ZER1: variants seen among roughly 807,000 people sequenced by gnomAD.
ZER1 encodes protein zer-1 homolog.
In ZER1, 11 loss-of-function variants were observed where a neutral mutation model predicts 78.8. The ratio of observed to expected loss-of-function variants is 0.14; its 90% confidence interval spans 0.09 to 0.23. The LOEUF is 0.23. Among genes scored for constraint, ZER1 ranks in the 10% least tolerant of loss-of-function variants. The pLI is 1.00. For synonymous variants in ZER1, 400 were observed against 407.0 expected, an observed-to-expected ratio of 0.98 and a Z score of 0.21; for missense variants, 588 against 996.9, an observed-to-expected ratio of 0.59 and a Z score of 5.52.
intron 14 of ZER1, among the ~76,000 whole-genome samples, chr9:128,734,144 A>AAAAAAAAAATAAATATATATATAT: frequency 6.9e-5 from 1 of 14,456 alleles, no homozygotes; most frequent in Non-Finnish European, 1.4e-4. Flanking sequence ...AAAAAAAAAA[A>AAAAAAAAAATAAATATATATATAT]ATATATATAT....
At chr9:128,761,895 C>T (rs867020186) in intron 1 of ZER1, among the ~76,000 whole-genome samples, 11 of 152,258 alleles carry the variant, frequency 7.2e-5, no homozygotes, top group African/African-American at 1.9e-4. Flanking sequence ...TGAGCCACCG[C>T]GCCCGGCTGA....
chr9:128,751,599 T>A lies in ZER1; in HGVS notation c.924-72A>T. On this transcript the variant is annotated intron_variant, in intron 5 of 15. Transcript: ENST00000291900. This position sits in a 1 kb window ranked among gnomAD's most constrained non-coding sequence, Gnocchi z 5.4. ...AGCTGGGCCTCCCCACTGGGGGTGG[T>A]GAGGCATTTCCTTGCTTTCTCTTCT... is the stretch of plus-strand genomic sequence containing the variant. 7.7e-7 allele frequency: 1 copy of A among 1,304,192 alleles called. No homozygotes were observed. The highest frequency in any genetic ancestry group is 1.1e-6 in the Non-Finnish European group (1 of 916,302). The allele number at this position is 1,304,192 out of a possible 1,614,324, so 80.8% of individuals were successfully genotyped here.
rs1863783681 is a variant in ZER1 at position 128,754,191 on chromosome 9, A to C, written c.159-232T>G. On this transcript the variant is annotated intron_variant, in intron 2 of 15. Transcript: ENST00000291900. The surrounding 1 kb of genome is among the most constrained non-coding windows in gnomAD (Gnocchi z 4.3). ...AGACCTTCTAGGTGATGCAGGCGCC[A>C]TCTCTCCCAGTGCACATGCCTGTCA... Among the ~76,000 whole-genome samples the C allele has an allele frequency of 6.6e-6, 1 of 152,168 alleles. No individual in the cohort carries two copies. The highest frequency in any genetic ancestry group is 1.5e-5 in the Non-Finnish European group (1 of 68,030).
rs1207486896 is a variant in ZER1, at chr9:128,746,460, T to TC, written c.1360-3716_1360-3715insG. The stretch of plus-strand genomic sequence containing the variant: ...TCTTCTTTTTCTCTCTTCTTTTCCT[T>TC]TTTTTTTTTTTTTTTTTTAAGACAG... On this transcript the variant is annotated intron_variant, in intron 8 of 15. Coordinates refer to ENST00000291900, the MANE Select transcript of ZER1 (RefSeq NM_006336.4). Among the ~76,000 whole-genome samples the TC allele has an allele frequency of 2.2e-5, 3 of 138,928 alleles. No individual in the cohort carries two copies. The East Asian group carries it at 6.2e-4, about 29-fold the overall frequency. 91.1% of individuals were successfully genotyped at this position (138,928 alleles called of 152,430 possible). A position where few individuals can be genotyped will look rare whatever the true frequency, so the allele number is the denominator to read the frequency against.
intron 1 of ZER1, among the ~76,000 whole-genome samples, chr9:128,769,752 G>T (rs1864326143): frequency 6.6e-6 from 1 of 152,020 alleles, no homozygotes; most frequent in Non-Finnish European, 1.5e-5. Flanking sequence ...AAAAGGTCCC[G>T]TGCCCACCTT....
At chr9:128,734,174 A>AT (rs1281017683) in intron 14 of ZER1, among the ~76,000 whole-genome samples, 2 of 72,562 alleles carry the variant, frequency 2.8e-5, no homozygotes, top group African/African-American at 7.0e-5. Context: ...AAATCTTAAA[A>AT]AAAATATATA....
chr9:128,739,501 C>CAA (rs563196410), intron 13 of ZER1, among the ~76,000 whole-genome samples: 10 of 77,820 alleles, frequency 1.3e-4, no homozygotes, highest in Non-Finnish European at 1.6e-4. Context: ...GACTCTGTCT[C>CAA]AAAAAAAAAA....
intron 8 of ZER1, among the ~76,000 whole-genome samples, chr9:128,743,115 T>A (rs1019312769): frequency 1.3e-5 from 2 of 151,404 alleles, no homozygotes; most frequent in Admixed American, 6.6e-5. Flanking sequence ...CTGCTTTTCT[T>A]TTTCTTTCTT....
chr9:128,744,742 G>C (rs1863428721), intron 8 of ZER1, among the ~76,000 whole-genome samples: 1 of 152,004 alleles, frequency 6.6e-6, no homozygotes, highest in Admixed American at 6.6e-5. Flanking sequence ...GCCTCCCAAA[G>C]TGCTGGGATT....
chr9:128,739,903 G>A (rs1217411428), intron 13 of ZER1, 28 bp downstream of exon 13: 4 of 1,589,846 alleles, frequency 2.5e-6, no homozygotes, highest in African/African-American at 1.3e-5. Context: ...ATTCCACACC[G>A]CATCCCCGCT....
At chr9:128,748,002 C>T (rs1465263073) in intron 8 of ZER1, among the ~76,000 whole-genome samples, 1 of 152,148 alleles carries the variant, frequency 6.6e-6, no homozygotes, top group African/African-American at 2.4e-5. Context: ...TGCTTATAAT[C>T]CCAGCACTTT....
chr9:128,736,074 G>A (rs530137758), intron 13 of ZER1, among the ~76,000 whole-genome samples: 71 of 151,522 alleles, frequency 4.7e-4, no homozygotes, highest in Admixed American at 2.0e-3. Context: ...TCAGCCTCCC[G>A]AGTAGCTGGG....
Position 128,753,786 on chromosome 9 carries a change from C to A in ZER1, c.309+23G>T, listed in dbSNP as rs370013496. The A allele has an allele frequency of 7.5e-6, 12 of 1,600,254 alleles. No homozygotes were observed. Among genetic ancestry groups the A allele is most frequent in the Non-Finnish European group, 1.0e-5 (12 of 1,172,692 alleles). ...CCCTGCTTGGTGTGGGCCCTCCTGGCGCTGTGGCGGGGCAGGTCTCACCTG... is the reference window on the plus strand; with the variant it reads ...CCCTGCTTGGTGTGGGCCCTCCTGGAGCTGTGGCGGGGCAGGTCTCACCTG... On this transcript the variant is annotated intron_variant, in intron 3 of 15. Transcript: ENST00000291900. This position sits in a 1 kb window ranked among gnomAD's most constrained non-coding sequence, Gnocchi z 7.5.
intron 8 of ZER1, among the ~76,000 whole-genome samples, chr9:128,748,392 ACT>A (rs1863566775): frequency 1.0e-5 from 1 of 99,868 alleles, no homozygotes; most frequent in African/African-American, 3.5e-5. Context: ...ACAGAGCGAG[ACT>A]CTGTCTCAAA....
At chr9:128,738,409 G>A (rs993780454) in intron 13 of ZER1, among the ~76,000 whole-genome samples, 20 of 146,662 alleles carry the variant, frequency 1.4e-4, no homozygotes, top group Admixed American at 1.2e-3. Context: ...TTTTTGAGAC[G>A]GAGTCTCGCT....
chr9:128,733,247 T>G, intron 15 of ZER1, 179 bp downstream of exon 15: 1 of 530,928 alleles, frequency 1.9e-6, no homozygotes, highest in Non-Finnish European at 3.4e-6. Flanking sequence ...CCAGCCACAA[T>G]GTGGTCGAGA....
rs1863657654 is a variant in ZER1, at chr9:128,751,001, G to A, written c.1185+121C>T. On this transcript the variant is annotated intron_variant, in intron 7 of 15. Coordinates refer to ENST00000291900, the MANE Select transcript of ZER1 (RefSeq NM_006336.4). This position sits in a 1 kb window ranked among gnomAD's most constrained non-coding sequence, Gnocchi z 5.4. ...CTGTGAGGCCCAGGCTGGGGTTCGG[G>A]TCCTGGGGCCCTGGGGACAGGGTGC... 4.2e-6 allele frequency: 6 copies of A among 1,444,738 alleles called. No individual in the cohort carries two copies. The highest frequency in any genetic ancestry group is 3.7e-6 in the Non-Finnish European group (4 of 1,090,374). 89.5% of individuals were successfully genotyped at this position (1,444,738 alleles called of 1,614,324 possible). A position where few individuals can be genotyped will look rare whatever the true frequency, so the allele number is the denominator to read the frequency against.
intron 14 of ZER1, among the ~76,000 whole-genome samples, chr9:128,734,492 C>T (rs750363759): frequency 7.3e-5 from 11 of 151,516 alleles, no homozygotes; most frequent in East Asian, 2.0e-4. Flanking sequence ...CCACTGCACC[C>T]GGACTAATTT....
intron 14 of ZER1, among the ~76,000 whole-genome samples, chr9:128,734,914 A>G (rs987699195): frequency 1.3e-5 from 2 of 149,676 alleles, no homozygotes; most frequent in African/African-American, 4.9e-5. Context: ...GGGTCTCACT[A>G]TGTTGCTCAG....
Sources: allele counts gnomAD v4.1 joint callset (sites outside exome capture counted in the v4.1 genomes callset), GRCh38; gene constraint gnomAD v4.1.1; non-coding constraint Gnocchi (gnomAD v3.1); transcripts MANE v1.5; gene names NCBI Gene and HGNC (gene_info 2026-07-23, HGNC 2026-07-21).